SEMA6A: variants seen among roughly 807,000 people sequenced by gnomAD.
SEMA6A encodes semaphorin 6A.
Under a neutral mutation model 96.8 loss-of-function variants are expected in SEMA6A, and 25 were observed. The observed-to-expected ratio is 0.26, with a 90% CI of 0.19 to 0.36. The LOEUF (loss-of-function observed/expected upper bound fraction) is 0.36. SEMA6A is among the 10% of genes least tolerant of loss of function. The pLI is 1.00. For synonymous variants in SEMA6A, 612 were observed against 518.0 expected (o/e 1.18, Z -2.46); for missense variants, 1,363 against 1,323.1 (o/e 1.03, Z -0.47).
intron 1 of SEMA6A, among the ~76,000 whole-genome samples, chr5:116,568,797 A>T (rs1761104258): frequency 6.6e-6 from 1 of 150,478 alleles, no homozygotes; most frequent in Non-Finnish European, 1.5e-5. Context: ...CATGAGCCAT[A>T]CCACCTATGT....
intron 18 of SEMA6A, among the ~76,000 whole-genome samples, chr5:116,464,193 A>T (rs1003605204): frequency 2.6e-5 from 4 of 152,188 alleles, no homozygotes; most frequent in Non-Finnish European, 5.9e-5. Context: ...TATAGGAGGA[A>T]TAAATAATAT....
At position 116,445,462 on chromosome 5, in the gene SEMA6A, T is replaced by A. The variant is rs1035585189; in HGVS notation, c.*1151A>T. The A allele has an allele frequency of 6.5e-6, 1 of 152,686 alleles. No homozygotes were observed. The highest frequency in any genetic ancestry group is 6.5e-5 in the Admixed American group (1 of 15,280). The allele number at this position is 152,686 out of a possible 1,614,324, so 9.5% of individuals were successfully genotyped here. On this transcript the variant is annotated 3_prime_UTR_variant, in exon 19 of 19. Coordinates refer to ENST00000343348, the MANE Select transcript of SEMA6A (RefSeq NM_020796.5). ...GTCTCACATGCAAGGTGAAATGGGA[T>A]GGCATATTGCAAGCTGGTGCCTTCA... is the stretch of plus-strand genomic sequence containing the variant.
chr5:116,572,976 GTTTCC>G (rs1364657125), intron 1 of SEMA6A, among the ~76,000 whole-genome samples: 1 of 152,206 alleles, frequency 6.6e-6, no homozygotes, highest in Non-Finnish European at 1.5e-5. Context: ...GCGGAATTCT[GTTTCC>G]TTTCCCGACG....
At chr5:116,565,678 T>C (rs1011393898) in intron 1 of SEMA6A, among the ~76,000 whole-genome samples, 2 of 152,256 alleles carry the variant, frequency 1.3e-5, no homozygotes, top group African/African-American at 4.8e-5. Flanking sequence ...CTTAATAGAA[T>C]GGTTTTCCAC....
At chr5:116,541,035 C>T (rs1759940090) in intron 1 of SEMA6A, among the ~76,000 whole-genome samples, 1 of 152,092 alleles carries the variant, frequency 6.6e-6, no homozygotes, top group Non-Finnish European at 1.5e-5. Context: ...ATTGTTCTGC[C>T]GCACTTGATA....
Position 116,486,975 on chromosome 5 carries a change from GA to G in SEMA6A, c.745-10del, listed in dbSNP as rs1201476176. 37 of 1,597,604 alleles carry G rather than the reference GA, an allele frequency of 2.3e-5. No homozygotes were observed. The highest frequency in any genetic ancestry group is 3.0e-5 in the Non-Finnish European group (35 of 1,166,224). On this transcript the variant is annotated splice_polypyrimidine_tract_variant and intron_variant, in intron 9 of 18. Coordinates refer to ENST00000343348, the MANE Select transcript of SEMA6A (RefSeq NM_020796.5). ...ACTCTTGGGAAAACTACCTGCAGAG[GA>G]AAAACACATAGGGAAAATTAAATGC... is the stretch of plus-strand genomic sequence containing the variant.
At chr5:116,522,079 G>A (rs1194951131) in intron 1 of SEMA6A, among the ~76,000 whole-genome samples, 1 of 152,180 alleles carries the variant, frequency 6.6e-6, no homozygotes, top group Non-Finnish European at 1.5e-5. Context: ...TGAAATACAA[G>A]CCAAGATTGA....
At chr5:116,527,792 C>G (rs1001117860) in intron 1 of SEMA6A, among the ~76,000 whole-genome samples, 27 of 152,102 alleles carry the variant, frequency 1.8e-4, no homozygotes, top group African/African-American at 6.3e-4. Context: ...AAAAGTCAAC[C>G]CTGTGATGCA....
At chr5:116,554,114 T>A (rs1245649847) in intron 1 of SEMA6A, among the ~76,000 whole-genome samples, 1 of 152,184 alleles carries the variant, frequency 6.6e-6, no homozygotes, top group Non-Finnish European at 1.5e-5. Flanking sequence ...GTAACATCAG[T>A]AAAAGTGTTT....
intron 17 of SEMA6A, chr5:116,472,762 G>A (rs1301838547): frequency 1.5e-6 from 1 of 661,376 alleles, no homozygotes; most frequent in African/African-American, 1.9e-5. Flanking sequence ...AATAATTTTA[G>A]TGAATTGGGG....
chr5:116,457,801 A>G (rs1755108787), intron 18 of SEMA6A, among the ~76,000 whole-genome samples: 1 of 152,174 alleles, frequency 6.6e-6, no homozygotes, highest in African/African-American at 2.4e-5. Flanking sequence ...GGCTCCTTTC[A>G]GTCCCTAGAG....
At chr5:116,472,846 T>G (rs1048381285) in intron 17 of SEMA6A, 1 of 1,405,998 alleles carries the variant, frequency 7.1e-7, no homozygotes, top group African/African-American at 1.5e-5. Context: ...ATGAATGACT[T>G]CACGAATTTA....
intron 2 of SEMA6A, chr5:116,502,651 A>G (rs554406859): frequency 8.4e-6 from 2 of 237,882 alleles, no homozygotes; most frequent in East Asian, 1.1e-4. Context: ...TTTCTTCCAC[A>G]GTTTTCTTTT....
Position 116,525,639 on chromosome 5 carries a change from C to T in SEMA6A, c.-38-20657G>A, listed in dbSNP as rs141544492. Among the ~76,000 whole-genome samples the T allele has an allele frequency of 4.1e-3, 625 of 152,232 alleles. 8 individuals are homozygous for T. The highest frequency in any genetic ancestry group is 0.013 in the African/African-American group (552 of 41,536). On this transcript the variant is annotated intron_variant, in intron 1 of 18. Coordinates refer to ENST00000343348, the MANE Select transcript of SEMA6A (RefSeq NM_020796.5). ...GCCTATATTTCTTAGAAGATGGTAA[C>T]GGCAGTTTGGTGTTTAACCAAAATT... is the stretch of plus-strand genomic sequence containing the variant.
intron 1 of SEMA6A, among the ~76,000 whole-genome samples, chr5:116,573,574 C>A (rs1761328624): frequency 6.6e-6 from 1 of 152,114 alleles, no homozygotes; most frequent in South Asian, 2.1e-4. Context: ...CACCGAGAGA[C>A]AGGGCGCGCG....
In SEMA6A at chr5:116,473,202, C is replaced by T. The variant is rs185386219; in HGVS notation, c.1709-109G>A. On this transcript the variant is annotated intron_variant, in intron 16 of 18. Transcript: ENST00000343348. The stretch of plus-strand genomic sequence containing the variant: ...CAGAACTATGCCAGCGTATGGTCCC[C>T]GATACTAAGTAAGTGCTTTTTAATT... The T allele has an allele frequency of 7.4e-4, 762 of 1,035,156 alleles. 7 individuals are homozygous for T. Among genetic ancestry groups the T allele is most frequent in the South Asian group, 4.8e-3 (330 of 68,164 alleles). The allele number at this position is 1,035,156 out of a possible 1,614,324, so 64.1% of individuals were successfully genotyped here. A position where few individuals can be genotyped will look rare whatever the true frequency, so the allele number is the denominator to read the frequency against.
intron 11 of SEMA6A, among the ~76,000 whole-genome samples, chr5:116,481,252 G>A (rs11241394): frequency 0.61 from 92,945 of 151,918 alleles, 29,195 homozygotes; most frequent in East Asian, 0.77. Flanking sequence ...CCAAGGAGAG[G>A]GTATTACATA....
At chr5:116,563,042 T>C in intron 1 of SEMA6A, 2 of 452,806 alleles carry the variant, frequency 4.4e-6, no homozygotes, top group South Asian at 3.6e-5. Flanking sequence ...AAATATTTTG[T>C]TAATAAATTC....
chr5:116,495,290 T>G, intron 6 of SEMA6A, 123 bp downstream of exon 6: 1 of 719,430 alleles, frequency 1.4e-6, no homozygotes, highest in South Asian at 1.5e-5. Flanking sequence ...ATACATTAAG[T>G]TGAACAAGTG....
Sources: allele counts gnomAD v4.1 joint callset (sites outside exome capture counted in the v4.1 genomes callset), GRCh38; gene constraint gnomAD v4.1.1; transcripts MANE v1.5; gene names NCBI Gene and HGNC (gene_info 2026-07-23, HGNC 2026-07-21).